The following SCNN1A variants were observed in gnomAD, a reference collection of about 807,000 sequenced individuals.
SCNN1A encodes the protein epithelial sodium channel subunit alpha.
A neutral mutation model predicts 68.6 loss-of-function variants in SCNN1A; 65 were observed. That is an observed-to-expected ratio of 0.95 (90% confidence interval 0.78 to 1.16). The LOEUF (loss-of-function observed/expected upper bound fraction) is 1.16, where lower values mean the gene tolerates loss of function less well. SCNN1A is among the 50% of genes most tolerant of loss of function. The pLI, the probability that SCNN1A is intolerant of heterozygous loss-of-function variation, is 0.00. For missense variants in SCNN1A, 880 were observed against 865.9 expected, an observed-to-expected ratio of 1.02 and a Z score of -0.20; for synonymous variants, 357 against 353.3, an observed-to-expected ratio of 1.01 and a Z score of -0.12.
At chr12:6,364,125 T>G (rs1366998903) in intron 2 of SCNN1A, 1 of 161,014 alleles carries the variant, frequency 6.2e-6, no homozygotes, top group Non-Finnish European at 1.3e-5. Context: ...CGAGTGTCGG[T>G]GGCCTTTCGG....
At chr12:6,348,318 C>A in intron 12 of SCNN1A, 65 bp from the exon 13 acceptor site, 2 of 1,610,438 alleles carry the variant, frequency 1.2e-6, no homozygotes, top group Non-Finnish European at 1.7e-6. Context: ...GCAGAGGAGC[C>A]CCCTTCCCTC....
intron 2 of SCNN1A, among the ~76,000 whole-genome samples, chr12:6,368,231 T>C (rs556362029): frequency 6.6e-6 from 1 of 152,186 alleles, no homozygotes; most frequent in African/African-American, 2.4e-5. Flanking sequence ...CCAGAATAGA[T>C]TCACAGTGAC....
At chr12:6,368,300 C>T (rs1324823587) in intron 2 of SCNN1A, among the ~76,000 whole-genome samples, 1 of 152,184 alleles carries the variant, frequency 6.6e-6, no homozygotes, top group Non-Finnish European at 1.5e-5. Context: ...AAGTGACCCA[C>T]AGAAAACGGA....
At chr12:6,362,511 G>A (rs1404101366) in intron 3 of SCNN1A, among the ~76,000 whole-genome samples, 2 of 152,126 alleles carry the variant, frequency 1.3e-5, no homozygotes, top group Non-Finnish European at 2.9e-5. Context: ...CCCCTGCCTA[G>A]GGTGGAAGGA....
In SCNN1A at chr12:6,355,369, G is replaced by A; in HGVS notation, c.1046C>T (p.Ala349Val). 1 of 1,613,986 alleles carries A rather than the reference G, an allele frequency of 6.2e-7. No homozygotes were observed. The highest frequency in any genetic ancestry group is 8.5e-7 in the Non-Finnish European group (1 of 1,179,970). ...FIPLLSTVTG[A>V]RVMVHGQDEP... is the part of the protein sequence containing the mutation. ...ATCCTGCCCGTGCACCATTACCCGG[G>A]CCCCAGTCACTGTGGACAGCAGGGG... is the stretch of plus-strand genomic sequence containing the variant. The change falls in exon 6 of 13, where the codon GCC becomes GTC. Residue 349 changes from alanine (A) to valine (V), a missense_variant. Ala to Val is a moderately conservative substitution (Grantham distance 64, BLOSUM62 0). Coordinates refer to ENST00000228916, the MANE Select transcript of SCNN1A (RefSeq NM_001038.6).
Position 6,347,837 on chromosome 12 carries a change from G to GC in SCNN1A, c.*35dup. On this transcript the variant is annotated 3_prime_UTR_variant, in exon 13 of 13. Coordinates refer to ENST00000228916, the MANE Select transcript of SCNN1A (RefSeq NM_001038.6). Reference sequence around the variant, plus strand: ...GGGCCAGCACCCTCCCACCAGAGGAGCATCTGCCTTGGTGTGAGAAACCTC... The same window carrying GC: ...GGGCCAGCACCCTCCCACCAGAGGAGCCATCTGCCTTGGTGTGAGAAACCTC... 1 of 1,567,076 alleles carries GC rather than the reference G, an allele frequency of 6.4e-7. No homozygotes were observed. Among genetic ancestry groups the GC allele is most frequent in the Non-Finnish European group, 8.7e-7 (1 of 1,145,820 alleles).
chr12:6,354,909 C>T (rs1948470416), intron 6 of SCNN1A, 61 bp from the exon 7 acceptor site: 2 of 1,363,140 alleles, frequency 1.5e-6, no homozygotes, highest in Non-Finnish European at 2.1e-6. Context: ...GGTTCTCTGC[C>T]TTCCCTCAGT....
chr12:6,375,409 T>C (rs1269231584), intron 1 of SCNN1A, 96 bp downstream of exon 1: 1 of 1,516,196 alleles, frequency 6.6e-7, no homozygotes, highest in African/African-American at 1.4e-5. Context: ...CCAGGAGGTC[T>C]GGGCTGCCTC....
chr12:6,349,787 C>A (rs1016570862), intron 8 of SCNN1A: 1 of 222,370 alleles, frequency 4.5e-6, no homozygotes, highest in Non-Finnish European at 9.2e-6. Context: ...AGTGCAGTGG[C>A]GCAATCTTGG....
chr12:6,368,344 C>T (rs1948716545), intron 2 of SCNN1A, among the ~76,000 whole-genome samples: 1 of 152,132 alleles, frequency 6.6e-6, no homozygotes, highest in Admixed American at 6.5e-5. Flanking sequence ...TTGGTTACAC[C>T]CCCGGCGTTT....
intron 2 of SCNN1A, among the ~76,000 whole-genome samples, chr12:6,366,421 T>A (rs895732296): frequency 1.3e-5 from 2 of 152,158 alleles, no homozygotes; most frequent in African/African-American, 4.8e-5. Flanking sequence ...TTGATGAACA[T>A]ATTAAGAAGG....
intron 5 of SCNN1A, 147 bp from the exon 6 acceptor site, chr12:6,355,582 C>A: frequency 9.4e-7 from 1 of 1,066,850 alleles, no homozygotes. Flanking sequence ...CCTGGCAACC[C>A]CTGAGCTGGA....
chr12:6,371,239 C>T (rs960196632), intron 2 of SCNN1A, among the ~76,000 whole-genome samples: 7 of 152,068 alleles, frequency 4.6e-5, no homozygotes, highest in African/African-American at 1.2e-4. Flanking sequence ...TCATTCACTG[C>T]GCTCCCGGTG....
intron 1 of SCNN1A, 153 bp downstream of exon 1, chr12:6,375,352 C>A (rs939419530): frequency 3.4e-6 from 5 of 1,450,010 alleles, no homozygotes; most frequent in Admixed American, 5.2e-5. Context: ...CTGGCCCTGA[C>A]CTCGAGCTGT....
At chr12:6,376,426 G>GGGT (rs1374782797), upstream of SCNN1A, among the ~76,000 whole-genome samples, 1 of 152,202 alleles carries the variant, frequency 6.6e-6, no homozygotes, top group Non-Finnish European at 1.5e-5. Flanking sequence ...GGCAGCGCGA[G>GGGT]GGCCACGCAG....
At chr12:6,361,021 C>T (rs1437581713) in intron 4 of SCNN1A, among the ~76,000 whole-genome samples, 1 of 152,224 alleles carries the variant, frequency 6.6e-6, no homozygotes, top group Non-Finnish European at 1.5e-5. Context: ...GTTTGTATCT[C>T]ACACACTTGG....
At chr12:6,376,012 G>T, upstream of SCNN1A, 1 of 1,002,708 alleles carries the variant, frequency 1.0e-6, no homozygotes. Flanking sequence ...GCACCAAAGG[G>T]AGTCTGTCTC....
In SCNN1A at chr12:6,374,868, G is replaced by A. The variant is rs1565488896; in HGVS notation, c.-54-31C>T. Reference sequence around the variant, plus strand: ...TGAGCCCCGGAGTGGATTGGGGAGAGCAAGGGTCAGGGTCAAGGCTGAGCT... The same window carrying A: ...TGAGCCCCGGAGTGGATTGGGGAGAACAAGGGTCAGGGTCAAGGCTGAGCT... On this transcript the variant is annotated intron_variant, in intron 1 of 12. Transcript: ENST00000228916. This position sits in a 1 kb window ranked among gnomAD's most constrained non-coding sequence, Gnocchi z 6.2. The A allele has an allele frequency of 1.9e-6, 3 of 1,614,018 alleles. No individual in the cohort carries two copies. Among genetic ancestry groups the A allele is most frequent in the African/African-American group, 2.7e-5 (2 of 75,026 alleles).
chr12:6,352,116 C>G (rs1415953091), intron 8 of SCNN1A, among the ~76,000 whole-genome samples: 1 of 152,058 alleles, frequency 6.6e-6, no homozygotes, highest in Non-Finnish European at 1.5e-5. Context: ...ATGATGATTG[C>G]ACAACTCTGG....
Sources: allele counts gnomAD v4.1 joint callset (sites outside exome capture counted in the v4.1 genomes callset), GRCh38; gene constraint gnomAD v4.1.1; non-coding constraint Gnocchi (gnomAD v3.1); transcripts MANE v1.5; gene names NCBI Gene and HGNC (gene_info 2026-07-23, HGNC 2026-07-21).